PRKN: variants seen among roughly 807,000 people sequenced by gnomAD.
PRKN encodes the protein parkin RBR E3 ubiquitin protein ligase, also known as E3 ubiquitin-protein ligase parkin.
Under a neutral mutation model 59.5 loss-of-function variants are expected in PRKN, and 56 were observed. That is an observed-to-expected ratio of 0.94 (90% CI 0.76 to 1.18). The LOEUF (loss-of-function observed/expected upper bound fraction) is 1.18, where lower values mean the gene tolerates loss of function less well. Ranked by LOEUF, PRKN falls within the 50% of genes most tolerant of loss-of-function variation. PRKN has a pLI of 0.00. For missense variants in PRKN, 657 were observed against 596.4 expected (o/e 1.10, Z -1.06); for synonymous variants, 250 against 222.1 (o/e 1.13, Z -1.12).
At chr6:162,190,382 C>G (rs1263534702) in intron 4 of PRKN, among the ~76,000 whole-genome samples, 4 of 152,182 alleles carry the variant, frequency 2.6e-5, no homozygotes, top group Non-Finnish European at 4.4e-5. Context: ...GTGAATTTTA[C>G]TCTTTTCAGG....
chr6:161,721,934 A>T lies in PRKN; in HGVS notation c.871+63838T>A, dbSNP rs1398919415. Among the ~76,000 whole-genome samples, 3 of 152,322 alleles carry T rather than the reference A, an allele frequency of 2.0e-5. No homozygotes were observed. In the East Asian group the frequency reaches 5.8e-4, roughly 29 times the overall value. On this transcript the variant is annotated intron_variant, in intron 7 of 11. Transcript: ENST00000366898. The stretch of plus-strand genomic sequence containing the variant: ...CGGATAAAATGAGAAGTTTTTGAAA[A>T]GGGGATTAGAAAAAGACCTTAGAAG...
At chr6:162,061,726 A>G (rs1031254661) in intron 4 of PRKN, among the ~76,000 whole-genome samples, 3 of 152,366 alleles carry the variant, frequency 2.0e-5, no homozygotes, top group African/African-American at 7.2e-5. Context: ...AACGAAAAAA[A>G]TTCGTTAAAC....
rs1674224201 is a variant in PRKN at position 161,552,992 on chromosome 6, T to C, written c.934-3989A>G. Reference sequence around the variant, plus strand: ...TTTTAGTAGAGACGGGGTTTCACCATGTTGGCCAGGATGATCTCGATCTCC... The same window carrying C: ...TTTTAGTAGAGACGGGGTTTCACCACGTTGGCCAGGATGATCTCGATCTCC... On this transcript the variant is annotated intron_variant, in intron 8 of 11. Transcript: ENST00000366898. This position sits in a 1 kb window ranked among gnomAD's most constrained non-coding sequence, Gnocchi z 4.9. Among the ~76,000 whole-genome samples, 5 of 151,700 alleles carry C rather than the reference T, an allele frequency of 3.3e-5. No individual in the cohort carries two copies. In the South Asian group the frequency reaches 8.4e-4, roughly 26 times the overall value.
intron 2 of PRKN, among the ~76,000 whole-genome samples, chr6:162,402,248 C>CAA (rs3081921): frequency 2.4e-5 from 3 of 125,046 alleles, no homozygotes; most frequent in Non-Finnish European, 5.4e-5. Context: ...GACTCTGTCT[C>CAA]AAAAAAAAAA....
chr6:161,834,219 C>T (rs1792641995), intron 6 of PRKN, among the ~76,000 whole-genome samples: 1 of 151,968 alleles, frequency 6.6e-6, no homozygotes, highest in African/African-American at 2.4e-5. Context: ...TGTATAAATG[C>T]AAAGTAGTAA....
At chr6:162,014,589 G>A (rs1342521928) in intron 5 of PRKN, among the ~76,000 whole-genome samples, 1 of 152,152 alleles carries the variant, frequency 6.6e-6, no homozygotes, top group Non-Finnish European at 1.5e-5. Flanking sequence ...CCATTCCATG[G>A]AGGAAACAGG....
intron 7 of PRKN, among the ~76,000 whole-genome samples, chr6:161,680,943 T>C (rs1359428926): frequency 6.6e-6 from 1 of 151,408 alleles, no homozygotes; most frequent in Non-Finnish European, 1.5e-5. Flanking sequence ...TAATAGGTTT[T>C]TGAGTTTTTA....
chr6:161,978,846 C>T (rs891869926), intron 5 of PRKN, among the ~76,000 whole-genome samples: 19 of 152,336 alleles, frequency 1.2e-4, no homozygotes, highest in Middle Eastern at 6.8e-3. Context: ...AGTTGCTTCT[C>T]GGTCACTAGG....
intron 3 of PRKN, among the ~76,000 whole-genome samples, chr6:162,214,158 G>T (rs1390661564): frequency 6.6e-6 from 1 of 152,112 alleles, no homozygotes; most frequent in Non-Finnish European, 1.5e-5. Context: ...CCTTCAAAGG[G>T]GAACAGATCA....
intron 7 of PRKN, among the ~76,000 whole-genome samples, chr6:161,718,833 C>T (rs569996118): frequency 2.0e-5 from 3 of 151,762 alleles, no homozygotes; most frequent in African/African-American, 7.3e-5. Flanking sequence ...GTGTGTTATC[C>T]TGCAGAAAAA....
Position 162,316,868 on chromosome 6 carries a change from T to C in PRKN, c.172-54103A>G, listed in dbSNP as rs553360529. Among the ~76,000 whole-genome samples, 22 of 152,260 alleles carry C rather than the reference T, an allele frequency of 1.4e-4. 1 individual carries two copies. The South Asian group carries it at 4.3e-3, about 30-fold the overall frequency. On this transcript the variant is annotated intron_variant, in intron 2 of 11. Coordinates refer to ENST00000366898, the MANE Select transcript of PRKN (RefSeq NM_004562.3). ...TTGGCATATATTGCCTGTGCTTTTA[T>C]GTAAAAGCTGCATTAGTATAAAAAA...
intron 1 of PRKN, among the ~76,000 whole-genome samples, chr6:162,579,308 T>G (rs928085488): frequency 6.6e-6 from 1 of 152,086 alleles, no homozygotes; most frequent in African/African-American, 2.4e-5. Flanking sequence ...GACCCAATAC[T>G]CCTTCAAGAC....
intron 5 of PRKN, among the ~76,000 whole-genome samples, chr6:162,010,162 C>G (rs1782435098): frequency 6.9e-6 from 1 of 144,842 alleles, no homozygotes. Flanking sequence ...ACAGGGAGAC[C>G]CCTCGCAGAA....
intron 8 of PRKN, among the ~76,000 whole-genome samples, chr6:161,558,223 G>A (rs895874070): frequency 5.3e-5 from 8 of 152,046 alleles, no homozygotes; most frequent in African/African-American, 7.2e-5. Context: ...TCAAGACCAC[G>A]CTTTCCACAA....
rs1787093481 is a variant in PRKN at position 161,402,485 on chromosome 6, GC to G, written c.1084-15609del. The stretch of plus-strand genomic sequence containing the variant: ...ATTGCTGCCTCTCTACTAATAAATA[GC>G]TTTTTGGTCCCATAACATGAGAGAC... On this transcript the variant is annotated intron_variant, in intron 9 of 11. Coordinates refer to ENST00000366898, the MANE Select transcript of PRKN (RefSeq NM_004562.3). This position sits in a 1 kb window ranked among gnomAD's most constrained non-coding sequence, Gnocchi z 4.5. Among the ~76,000 whole-genome samples, 1 of 152,146 alleles carries G rather than the reference GC, an allele frequency of 6.6e-6. No homozygotes were observed. The highest frequency in any genetic ancestry group is 6.5e-5 in the Admixed American group (1 of 15,272).
intron 1 of PRKN, among the ~76,000 whole-genome samples, chr6:162,702,982 A>C (rs990967202): frequency 6.6e-6 from 1 of 152,182 alleles, no homozygotes; most frequent in African/African-American, 2.4e-5. Context: ...AAATTAAATG[A>C]ATCAATTTTT....
chr6:161,819,039 G>A (rs1791910204), intron 6 of PRKN, among the ~76,000 whole-genome samples: 1 of 152,200 alleles, frequency 6.6e-6, no homozygotes, highest in East Asian at 1.9e-4. Context: ...TTATGTTCTT[G>A]AAAATGTACA....
chr6:162,075,498 C>T (rs1348467302), intron 4 of PRKN, among the ~76,000 whole-genome samples: 1 of 152,054 alleles, frequency 6.6e-6, no homozygotes, highest in Non-Finnish European at 1.5e-5. Context: ...GTACAAATCA[C>T]ATCGGATTAT....
intron 4 of PRKN, among the ~76,000 whole-genome samples, chr6:162,098,788 C>A (rs1436075898): frequency 6.6e-6 from 1 of 152,330 alleles, no homozygotes; most frequent in East Asian, 1.9e-4. Flanking sequence ...GTCCAGTACT[C>A]ATTCCTCAGT....
Sources: allele counts gnomAD v4.1 joint callset (sites outside exome capture counted in the v4.1 genomes callset), GRCh38; gene constraint gnomAD v4.1.1; non-coding constraint Gnocchi (gnomAD v3.1); transcripts MANE v1.5; gene names NCBI Gene and HGNC (gene_info 2026-07-23, HGNC 2026-07-21).